The following FANCD2OS variants were observed in gnomAD, a reference collection of about 807,000 sequenced individuals.
FANCD2OS encodes the protein FANCD2 opposite strand protein.
FANCD2OS carries 11 observed loss-of-function variants against 13.2 expected under a neutral mutation model. The ratio of observed to expected loss-of-function variants is 0.83; its 90% CI spans 0.52 to 1.38. The LOEUF is 1.38. Ranked by LOEUF, FANCD2OS falls within the 40% of genes most tolerant of loss-of-function variation. The pLI, the probability that FANCD2OS is intolerant of heterozygous loss-of-function variation, is 0.00. For synonymous variants in FANCD2OS, 69 were observed against 84.5 expected, an observed-to-expected ratio of 0.82 and a Z score of 1.01; for missense variants, 217 against 213.9, an observed-to-expected ratio of 1.01 and a Z score of -0.09.
At chr3:10,103,860 C>A, downstream of FANCD2OS, 1 of 182,132 alleles carries the variant, frequency 5.5e-6, no homozygotes, top group Non-Finnish European at 1.2e-5. Context: ...TTTGACATCC[C>A]CTGGTACATA....
intron 2 of FANCD2OS, chr3:10,087,265 G>T (rs1301819180): frequency 2.5e-6 from 4 of 1,590,328 alleles, no homozygotes; most frequent in Non-Finnish European, 2.6e-6. Context: ...GAAAAAATTG[G>T]TGATGGGCCT....
At chr3:10,107,865 C>T (rs1318124431) in intron 1 of FANCD2OS, 150 bp downstream of exon 1, 1 of 152,264 alleles carries the variant, frequency 6.6e-6, no homozygotes, top group Non-Finnish European at 1.5e-5. Flanking sequence ...AAGTCACTGT[C>T]AACCACTCCA....
At chr3:10,083,972 A>G (rs962088204) in intron 2 of FANCD2OS, among the ~76,000 whole-genome samples, 1 of 150,338 alleles carries the variant, frequency 6.7e-6, no homozygotes, top group African/African-American at 2.4e-5. Context: ...TTTACATAGT[A>G]TATTCTAAAC....
At chr3:10,082,444 C>G (rs1275812844) in intron 2 of FANCD2OS, among the ~76,000 whole-genome samples, 1 of 152,142 alleles carries the variant, frequency 6.6e-6, no homozygotes, top group Non-Finnish European at 1.5e-5. Flanking sequence ...CAGTTTGATC[C>G]TATCCCAATT....
chr3:10,097,988 GT>G (rs34966633), downstream of FANCD2OS, among the ~76,000 whole-genome samples: 36,722 of 151,828 alleles, frequency 0.24, 5,941 homozygotes, highest in African/African-American at 0.46. Flanking sequence ...CATTTATAAG[GT>G]TTTTTTTAGT....
chr3:10,088,727 T>C, intron 2 of FANCD2OS: 1 of 1,318,800 alleles, frequency 7.6e-7, no homozygotes, highest in Non-Finnish European at 1.1e-6. Flanking sequence ...TACTGTTAGC[T>C]AACTGCTTAT....
At chr3:10,098,639 G>C, downstream of FANCD2OS, 2 of 1,532,058 alleles carry the variant, frequency 1.3e-6, no homozygotes, top group Non-Finnish European at 8.9e-7. Flanking sequence ...CCTTTGTATT[G>C]CCTGTAAACT....
At chr3:10,081,659 A>G (rs1693845217) in intron 2 of FANCD2OS, 6 of 615,176 alleles carry the variant, frequency 9.8e-6, no homozygotes, top group Non-Finnish European at 1.7e-5. Context: ...TGGAGCCACT[A>G]TGTTAACCCA....
At chr3:10,092,570 C>T (rs1200107480) in intron 2 of FANCD2OS, among the ~76,000 whole-genome samples, 1 of 151,976 alleles carries the variant, frequency 6.6e-6, no homozygotes, top group African/African-American at 2.4e-5. Flanking sequence ...CTCTTCTAAC[C>T]CTGAATGCCC....
downstream of FANCD2OS, chr3:10,101,336 G>A (rs561218090): frequency 2.0e-4 from 218 of 1,077,812 alleles, no homozygotes; most frequent in South Asian, 1.6e-3. Flanking sequence ...TTTGAAATCC[G>A]CTGTTTGCCT....
intron 2 of FANCD2OS, among the ~76,000 whole-genome samples, chr3:10,083,996 T>C (rs561901522): frequency 6.6e-6 from 1 of 151,468 alleles, no homozygotes; most frequent in South Asian, 2.1e-4. Context: ...TTTCCCATGC[T>C]TTTGTGTGTG....
Position 10,088,726 on chromosome 3 carries a change from C to G in FANCD2OS, c.*44-7195G>C. On this transcript the variant is annotated intron_variant, in intron 2 of 2. Transcript: ENST00000524279. ...CTCTGGTTCTGTTTTATACTGTTAG[C>G]TAACTGCTTATTGTTAATTCAGATC... is the stretch of plus-strand genomic sequence containing the variant. The G allele has an allele frequency of 3.8e-6, 5 of 1,310,558 alleles. No homozygotes were observed. In the Admixed American group the frequency reaches 8.5e-5, roughly 22 times the overall value. 81.2% of individuals were successfully genotyped at this position (1,310,558 alleles called of 1,614,324 possible).
At chr3:10,083,061 C>T (rs1019378262) in intron 2 of FANCD2OS, among the ~76,000 whole-genome samples, 1 of 151,916 alleles carries the variant, frequency 6.6e-6, no homozygotes, top group African/African-American at 2.4e-5. Context: ...ACCCTGTCTC[C>T]ATAAAAAATA....
intron 2 of FANCD2OS, among the ~76,000 whole-genome samples, chr3:10,092,866 A>AT (rs1220749479): frequency 1.3e-5 from 2 of 150,778 alleles, no homozygotes; most frequent in Admixed American, 1.3e-4. Flanking sequence ...TAATTTTTCT[A>AT]TTTTTTGTGG....
chr3:10,100,581 G>A (rs58598088), downstream of FANCD2OS, among the ~76,000 whole-genome samples: 2 of 152,074 alleles, frequency 1.3e-5, no homozygotes, highest in Admixed American at 6.5e-5. Context: ...CATGTTGGCC[G>A]GGCTGGTCTC....
At chr3:10,089,735 T>C in intron 2 of FANCD2OS, among the ~76,000 whole-genome samples, 1 of 152,228 alleles carries the variant, frequency 6.6e-6, no homozygotes, top group Non-Finnish European at 1.5e-5. Context: ...CTCAAAGTGC[T>C]GGGATTACAG....
chr3:10,083,866 C>A (rs57788422), intron 2 of FANCD2OS: 29,269 of 124,560 alleles, frequency 0.23, 4,189 homozygotes, highest in African/African-American at 0.43. Context: ...CCAGCCTGGG[C>A]GACAGAGCAA....
chr3:10,106,802 T>G (rs888009037), intron 1 of FANCD2OS, among the ~76,000 whole-genome samples: 1 of 151,888 alleles, frequency 6.6e-6, no homozygotes, highest in Non-Finnish European at 1.5e-5. Flanking sequence ...TAATCCCGGG[T>G]ACTCAGGAGG....
intron 2 of FANCD2OS, chr3:10,085,811 G>C: frequency 6.2e-7 from 1 of 1,605,608 alleles, no homozygotes. Flanking sequence ...GACTTCCTTA[G>C]GAGTGGATTT....
Sources: gnomAD v4.1 joint callset for allele counts (sites outside exome capture counted in the v4.1 genomes callset) on GRCh38, gnomAD v4.1.1 for gene constraint, MANE v1.5 for transcripts, NCBI Gene and HGNC (gene_info 2026-07-23, HGNC 2026-07-21) for gene names.